The following ZNF780B variants were observed in gnomAD, a reference collection of about 807,000 sequenced individuals.
The protein encoded by ZNF780B is zinc finger protein 780B.
ZNF780B carries 52 observed loss-of-function variants against 74.1 expected under a neutral mutation model. The ratio of observed to expected loss-of-function variants is 0.70; its 90% CI spans 0.56 to 0.88. The LOEUF (loss-of-function observed/expected upper bound fraction) is 0.88, where lower values mean the gene tolerates loss of function less well. Ranked by LOEUF, ZNF780B falls within the 40% of genes least tolerant of loss-of-function variation. ZNF780B has a pLI of 0.00. For synonymous variants in ZNF780B, 315 were observed against 324.3 expected, an observed-to-expected ratio of 0.97 and a Z score of 0.31; for missense variants, 953 against 1,007.6, an observed-to-expected ratio of 0.95 and a Z score of 0.73.
In ZNF780B at chr19:40,036,559, G is replaced by T. The variant is rs756787237; in HGVS notation, c.300C>A (p.Pro100=). The T allele has an allele frequency of 5.1e-6, 8 of 1,573,946 alleles. No homozygotes were observed. The South Asian group carries it at 6.0e-5, about 12-fold the overall frequency. Residue 100 remains proline (P), a synonymous_variant, in exon 5 of 5, where the codon CCC becomes CCA. Transcript: ENST00000434248. ...PENDIFEINL[P]KHVIKQISKT... ...TACTTATTTGCTTTATAACATGTTT[G>T]GGTAAATTTATTTCAAAAATATCAT...
In ZNF780B at chr19:40,035,543, T is replaced by A. The variant is rs200251305; in HGVS notation, c.1316A>T (p.His439Leu). The change falls in exon 5 of 5, where the codon CAT (histidine) becomes CTT (leucine). Residue 439 changes from histidine to leucine, a missense_variant. His to Leu is a moderately conservative substitution (Grantham distance 99). Coordinates refer to ENST00000434248, the MANE Select transcript of ZNF780B (RefSeq NM_001005851.3). ...GANLIQHQKIHSNEKPFVCRE... is the reference protein window; with the variant it reads ...GANLIQHQKILSNEKPFVCRE... The stretch of plus-strand genomic sequence containing the variant: ...ACATACAAAGGGTTTCTCATTGGAA[T>A]GAATTTTTTGATGCTGAATAAGATT... 1,757 of 1,613,556 alleles carry A rather than the reference T, an allele frequency of 1.1e-3. 1 individual carries two copies. The highest frequency in any genetic ancestry group is 1.4e-3 in the Non-Finnish European group (1,608 of 1,179,906).
At chr19:40,043,980 AC>A (rs1162844581) in intron 4 of ZNF780B, among the ~76,000 whole-genome samples, 3 of 152,172 alleles carry the variant, frequency 2.0e-5, no homozygotes, top group East Asian at 3.9e-4. Flanking sequence ...TGCAGAAATC[AC>A]CCATCTTCTG....
At chr19:40,039,695 A>G (rs1206367904) in intron 4 of ZNF780B, among the ~76,000 whole-genome samples, 3 of 152,152 alleles carry the variant, frequency 2.0e-5, no homozygotes, top group African/African-American at 4.8e-5. Flanking sequence ...GTTCACTCAT[A>G]ATTTGGCTCT....
chr19:40,049,035 G>A, intron 2 of ZNF780B: 1 of 498,428 alleles, frequency 2.0e-6, no homozygotes, highest in East Asian at 3.5e-5. Flanking sequence ...AACAGCCTGG[G>A]CAACATAACG....
At chr19:40,054,182 A>G (rs1355490112) in intron 1 of ZNF780B, among the ~76,000 whole-genome samples, 3 of 152,098 alleles carry the variant, frequency 2.0e-5, no homozygotes, top group Non-Finnish European at 2.9e-5. Context: ...GATATCATAG[A>G]ATTAGAGAAG....
rs1972820154 is a variant in ZNF780B, at chr19:40,044,179, A to G, written c.232+3196T>C. On this transcript the variant is annotated intron_variant, in intron 4 of 4. Coordinates refer to ENST00000434248, the MANE Select transcript of ZNF780B (RefSeq NM_001005851.3). ...AATATTTGAATTTTTGAGGTCCTAG[A>G]GACAAAGAGAAAACATAAAGGATAG... is the stretch of plus-strand genomic sequence containing the variant. 2.0e-5 allele frequency among the ~76,000 whole-genome samples: 3 copies of G among 152,240 alleles called. No individual in the cohort carries two copies. In the East Asian group the frequency reaches 5.8e-4, roughly 29 times the overall value.
In ZNF780B at chr19:40,031,364, G is replaced by C. The variant is rs1054143871; in HGVS notation, c.*2993C>G. The C allele has an allele frequency of 6.6e-6, 1 of 152,182 alleles. No homozygotes were observed. The highest frequency in any genetic ancestry group is 2.4e-5 in the African/African-American group (1 of 41,430). 9.4% of individuals were successfully genotyped at this position (152,182 alleles called of 1,614,324 possible). ...AGCCTCCCAAGTAGCTGGGATTACA[G>C]GAATGCACCACCATGTCCAGCTAAT... On this transcript the variant is annotated 3_prime_UTR_variant, in exon 5 of 5. Transcript: ENST00000434248.
intron 1 of ZNF780B, among the ~76,000 whole-genome samples, chr19:40,052,997 G>A (rs115757800): frequency 0.013 from 2,018 of 152,142 alleles, 34 homozygotes; most frequent in South Asian, 0.052. Context: ...AGAAAAAAAC[G>A]TACGGGGAAA....
rs1246903364 is a variant in ZNF780B at position 40,036,566 on chromosome 19, T to C, written c.293A>G (p.Asn98Ser). Reference protein sequence around the residue: ...ISPENDIFEINLPKHVIKQIS... With the variant: ...ISPENDIFEISLPKHVIKQIS... ...TTGCTTTATAACATGTTTGGGTAAA[T>C]TTATTTCAAAAATATCATTTTCTGG... Residue 98 changes from asparagine (N) to serine (S), a missense_variant, in exon 5 of 5, where the codon AAT becomes AGT. Coordinates refer to ENST00000434248, the MANE Select transcript of ZNF780B (RefSeq NM_001005851.3). The C allele has an allele frequency of 1.3e-6, 2 of 1,571,340 alleles. No homozygotes were observed. The highest frequency in any genetic ancestry group is 1.7e-6 in the Non-Finnish European group (2 of 1,163,744).
intron 1 of ZNF780B, among the ~76,000 whole-genome samples, chr19:40,052,873 T>G (rs1473440424): frequency 6.6e-6 from 1 of 152,148 alleles, no homozygotes; most frequent in African/African-American, 2.4e-5. Context: ...TTGTGAAAAC[T>G]GGGGAGTCAT....
rs151223911 is a variant in ZNF780B at position 40,053,979 on chromosome 19, C to T, written c.-46+2210G>A. On this transcript the variant is annotated intron_variant, in intron 1 of 4. Transcript: ENST00000434248. ...ACCACCCTGGCCAACATGGCAAAAC[C>T]CTGTCTCTACTAAAAATACAAAAAT... Among the ~76,000 whole-genome samples the T allele has an allele frequency of 6.7e-3, 1,015 of 152,336 alleles. 5 individuals carry two copies. The highest frequency in any genetic ancestry group is 0.012 in the Non-Finnish European group (793 of 68,030).
At chr19:40,038,464 G>A (rs928859737) in intron 4 of ZNF780B, among the ~76,000 whole-genome samples, 11 of 151,142 alleles carry the variant, frequency 7.3e-5, no homozygotes, top group African/African-American at 2.7e-4. Context: ...GGTATTTCTA[G>A]TTCTAGATCC....
chr19:40,041,999 C>T lies in ZNF780B; in HGVS notation c.233-5373G>A, dbSNP rs537817102. Among the ~76,000 whole-genome samples the T allele has an allele frequency of 5.0e-3, 766 of 152,244 alleles. 6 individuals are homozygous for T. Among genetic ancestry groups the T allele is most frequent in the African/African-American group, 0.017 (715 of 41,530 alleles). The stretch of plus-strand genomic sequence containing the variant: ...ATTACTTGATGCAGTTTCTTCCTAG[C>T]CTTGATGGTCTTTACATTTTGGCAT... On this transcript the variant is annotated intron_variant, in intron 4 of 4. Coordinates refer to ENST00000434248, the MANE Select transcript of ZNF780B (RefSeq NM_001005851.3).
At position 40,028,728 on chromosome 19, in the gene ZNF780B, A is replaced by G. The variant is rs1485971428; in HGVS notation, c.*5629T>C. The G allele has an allele frequency of 6.6e-6, 1 of 152,176 alleles. No individual in the cohort carries two copies. Among genetic ancestry groups the G allele is most frequent in the African/African-American group, 2.4e-5 (1 of 41,436 alleles). The allele number at this position is 152,176 out of a possible 1,614,324, so 9.4% of individuals were successfully genotyped here. A position where few individuals can be genotyped will look rare whatever the true frequency, so the allele number is the denominator to read the frequency against. On this transcript the variant is annotated 3_prime_UTR_variant, in exon 5 of 5. Coordinates refer to ENST00000434248, the MANE Select transcript of ZNF780B (RefSeq NM_001005851.3). Reference sequence around the variant, plus strand: ...GATACTGTGGCCTTGCTCTAAACCAATCATGAATTTTACCATTCTGGCATC... The same window carrying G: ...GATACTGTGGCCTTGCTCTAAACCAGTCATGAATTTTACCATTCTGGCATC...
chr19:40,037,781 A>G (rs1972409551), intron 4 of ZNF780B, among the ~76,000 whole-genome samples: 2 of 151,812 alleles, frequency 1.3e-5, no homozygotes, highest in South Asian at 2.1e-4. Flanking sequence ...CAACCAGAAC[A>G]TGATATAACC....
chr19:40,041,000 G>A (rs1443452787), intron 4 of ZNF780B, among the ~76,000 whole-genome samples: 2 of 151,998 alleles, frequency 1.3e-5, no homozygotes, highest in Non-Finnish European at 2.9e-5. Flanking sequence ...GTGATGTTAG[G>A]GTGTCAATTT....
In ZNF780B at chr19:40,032,297, G is replaced by A. The variant is rs1021965397; in HGVS notation, c.*2060C>T. On this transcript the variant is annotated 3_prime_UTR_variant, in exon 5 of 5. Coordinates refer to ENST00000434248, the MANE Select transcript of ZNF780B (RefSeq NM_001005851.3). The stretch of plus-strand genomic sequence containing the variant: ...GGCTACACTTCTGTAGGTTTACTAA[G>A]TTCCACAGGGGATTCTGATACCCAC... 5.5e-6 allele frequency: 2 copies of A among 365,916 alleles called. No individual in the cohort carries two copies. The highest frequency in any genetic ancestry group is 1.1e-5 in the Non-Finnish European group (2 of 188,220). The allele number at this position is 365,916 out of a possible 1,614,324, so 22.7% of individuals were successfully genotyped here.
In ZNF780B at chr19:40,034,345, A is replaced by T. The variant is rs367833792; in HGVS notation, c.*12T>A. ...TGAAAGGCCTTCCCACATTCCTTAC[A>T]TTCAAAGGTTTTCACCCAAGTATGA... On this transcript the variant is annotated 3_prime_UTR_variant, in exon 5 of 5. Transcript: ENST00000434248. 1.3e-6 allele frequency: 2 copies of T among 1,594,258 alleles called. No homozygotes were observed. Among genetic ancestry groups the T allele is most frequent in the African/African-American group, 2.7e-5 (2 of 74,220 alleles).
rs1972074945 is a variant in ZNF780B at position 40,033,252 on chromosome 19, A to G, written c.*1105T>C. 6.5e-6 allele frequency: 1 copy of G among 154,934 alleles called. No homozygotes were observed. Among genetic ancestry groups the G allele is most frequent in the Non-Finnish European group, 1.5e-5 (1 of 68,250 alleles). 9.6% of individuals were successfully genotyped at this position (154,934 alleles called of 1,614,324 possible). A position where few individuals can be genotyped will look rare whatever the true frequency, so the allele number is the denominator to read the frequency against. ...TGACACAAAGACATGAAATGTGCAT[A>G]TGCTGTTTGGAAAATGGTGCTGATA... On this transcript the variant is annotated 3_prime_UTR_variant, in exon 5 of 5. Coordinates refer to ENST00000434248, the MANE Select transcript of ZNF780B (RefSeq NM_001005851.3).
Sources: gnomAD v4.1 joint callset for allele counts (sites outside exome capture counted in the v4.1 genomes callset) on GRCh38, gnomAD v4.1.1 for gene constraint, MANE v1.5 for transcripts, NCBI Gene and HGNC (gene_info 2026-07-23, HGNC 2026-07-21) for gene names.